Variants in SYNPO2 observed in about 807,000 individuals in gnomAD.
SYNPO2 encodes the protein synaptopodin 2.
SYNPO2 carries 56 observed loss-of-function variants against 85.0 expected under a neutral mutation model. The ratio of observed to expected loss-of-function variants is 0.66; its 90% CI spans 0.53 to 0.82. SYNPO2 has a LOEUF of 0.82. Among genes scored for constraint, SYNPO2 ranks in the 40% least tolerant of loss-of-function variants. The pLI is 0.00. For synonymous variants in SYNPO2, 602 were observed against 591.1 expected, an observed-to-expected ratio of 1.02 and a Z score of -0.27; for missense variants, 1,575 against 1,534.2, an observed-to-expected ratio of 1.03 and a Z score of -0.44.
chr4:119,053,403 C>T (rs1739111244), intron 4 of SYNPO2, among the ~76,000 whole-genome samples: 1 of 152,178 alleles, frequency 6.6e-6, no homozygotes, highest in African/African-American at 2.4e-5. Context: ...CTATTACTAG[C>T]ACTTGAAAGA....
rs1462949249 is a variant in SYNPO2 at position 119,030,587 on chromosome 4, G to A, written c.1812G>A (p.Ser604=). ...GSVNQPATPF[S]PTRNMTSPIA... The stretch of plus-strand genomic sequence containing the variant: ...TGAATCAGCCAGCTACCCCCTTCTC[G>A]CCAACCCGAAACATGACGAGTCCCA... Residue 604 remains serine, a synonymous_variant, in exon 4 of 5, where the codon TCG becomes TCA. Coordinates refer to ENST00000307142, the MANE Select transcript of SYNPO2 (RefSeq NM_133477.3). The A allele has an allele frequency of 3.7e-6, 6 of 1,613,784 alleles. No homozygotes were observed. The highest frequency in any genetic ancestry group is 5.1e-6 in the Non-Finnish European group (6 of 1,179,990).
intron 4 of SYNPO2, chr4:119,037,309 T>A: frequency 7.7e-7 from 1 of 1,292,820 alleles, no homozygotes; most frequent in Non-Finnish European, 9.8e-7. Flanking sequence ...AAAAAATTTT[T>A]AAATCAAAAG....
chr4:118,907,339 A>T (rs984324656), intron 1 of SYNPO2, among the ~76,000 whole-genome samples: 3 of 152,180 alleles, frequency 2.0e-5, no homozygotes, highest in Non-Finnish European at 2.9e-5. Context: ...TTCCCCCACT[A>T]GAAATCCCAA....
intron 1 of SYNPO2, among the ~76,000 whole-genome samples, chr4:118,908,966 T>C (rs1013298100): frequency 1.3e-5 from 2 of 152,160 alleles, no homozygotes; most frequent in Non-Finnish European, 2.9e-5. Context: ...TTTTAAAAGA[T>C]TGGGCCCCCG....
intron 1 of SYNPO2, among the ~76,000 whole-genome samples, chr4:118,897,583 A>G (rs1237094452): frequency 6.6e-6 from 1 of 152,174 alleles, no homozygotes; most frequent in Non-Finnish European, 1.5e-5. Context: ...AGAAAATTTT[A>G]TTTAAGAAAC....
chr4:119,032,918 T>C, intron 4 of SYNPO2: 5 of 957,424 alleles, frequency 5.2e-6, no homozygotes, highest in Non-Finnish European at 6.2e-6. Flanking sequence ...TAATTATCTT[T>C]AAAGGTTGAT....
chr4:119,014,842 A>G lies in SYNPO2; in HGVS notation c.106-8588A>G, dbSNP rs565286577. ...TAAATCCCCCTGGCTCCTGCACCAG[A>G]CAGTTTTTTTGTCAATCAAACCTCT... On this transcript the variant is annotated intron_variant, in intron 1 of 4. Transcript: ENST00000307142. Among the ~76,000 whole-genome samples the G allele has an allele frequency of 3.3e-5, 5 of 152,298 alleles. No individual in the cohort carries two copies. The East Asian group carries it at 9.6e-4, about 29-fold the overall frequency.
intron 1 of SYNPO2, among the ~76,000 whole-genome samples, chr4:118,981,067 G>C (rs1396651320): frequency 6.6e-6 from 1 of 152,194 alleles, no homozygotes; most frequent in East Asian, 1.9e-4. Context: ...TCATTGCGCT[G>C]GTCCAGTTTA....
intron 1 of SYNPO2, among the ~76,000 whole-genome samples, chr4:118,852,714 T>C (rs1406901789): frequency 1.3e-5 from 2 of 152,094 alleles, no homozygotes; most frequent in African/African-American, 2.4e-5. Flanking sequence ...CTGGGGCCTA[T>C]TGGAGGCTGG....
intron 4 of SYNPO2, chr4:119,036,662 A>C: frequency 2.0e-6 from 2 of 985,500 alleles, no homozygotes; most frequent in Non-Finnish European, 2.4e-6. Flanking sequence ...ATGCCAATGA[A>C]ACCCCATCTT....
intron 4 of SYNPO2, among the ~76,000 whole-genome samples, chr4:119,038,976 G>A (rs1738623798): frequency 6.6e-6 from 1 of 151,616 alleles, no homozygotes; most frequent in African/African-American, 2.4e-5. Context: ...TTCTAAACAT[G>A]GGTTTGGAAC....
At chr4:118,906,480 T>A (rs1732941651) in intron 1 of SYNPO2, among the ~76,000 whole-genome samples, 1 of 152,164 alleles carries the variant, frequency 6.6e-6, no homozygotes, top group Admixed American at 6.5e-5. Context: ...AAACAAAAAA[T>A]TTAGAGTTGA....
At chr4:118,869,392 T>C (rs1000056006) in intron 1 of SYNPO2, among the ~76,000 whole-genome samples, 2 of 152,248 alleles carry the variant, frequency 1.3e-5, no homozygotes, top group African/African-American at 4.8e-5. Context: ...ATTGTTTTTT[T>C]GTCACTCTAC....
In SYNPO2 at chr4:118,888,882, GGCGGCTGGGGCA is replaced by G; in HGVS notation, c.-147_-136del. The G allele has an allele frequency of 9.5e-6, 7 of 735,598 alleles. No individual in the cohort carries two copies. The South Asian group carries it at 1.1e-4, about 12-fold the overall frequency. The allele number at this position is 735,598 out of a possible 1,614,324, so 45.6% of individuals were successfully genotyped here. ...CAAATTCGCAGCAGGCGGCTGGGGC[GGCGGCTGGGGCA>G]GCGGCTGCAGCAGCGGCGGACGCTC... On this transcript the variant is annotated 5_prime_UTR_variant, in exon 1 of 5. Transcript: ENST00000307142.
chr4:118,860,882 A>AT (rs1385105973), intron 1 of SYNPO2, among the ~76,000 whole-genome samples: 1 of 151,560 alleles, frequency 6.6e-6, no homozygotes, highest in Admixed American at 6.6e-5. Flanking sequence ...AGATTATTCT[A>AT]TTTTTTTTCC....
chr4:118,940,111 G>T (rs917891459), intron 1 of SYNPO2, among the ~76,000 whole-genome samples: 5 of 151,064 alleles, frequency 3.3e-5, no homozygotes, highest in African/African-American at 1.2e-4. Context: ...TCAACCTCTC[G>T]AGTAGCTGGG....
At chr4:118,911,687 C>G (rs1733141757) in intron 1 of SYNPO2, among the ~76,000 whole-genome samples, 1 of 152,116 alleles carries the variant, frequency 6.6e-6, no homozygotes, top group East Asian at 1.9e-4. Context: ...AAGGTTTTGC[C>G]ATCTCACCAT....
chr4:118,957,037 T>C (rs1035303249), intron 1 of SYNPO2, among the ~76,000 whole-genome samples: 3 of 150,570 alleles, frequency 2.0e-5, no homozygotes, highest in Admixed American at 6.6e-5. Flanking sequence ...ACAGTGAGAC[T>C]CCATCTCAAA....
At chr4:119,008,278 A>G (rs781574014) in intron 1 of SYNPO2, among the ~76,000 whole-genome samples, 14 of 152,200 alleles carry the variant, frequency 9.2e-5, no homozygotes, top group African/African-American at 2.7e-4. Context: ...TGGGAGTCCA[A>G]TTGCCAGTTC....
Sources: allele counts gnomAD v4.1 joint callset (sites outside exome capture counted in the v4.1 genomes callset), GRCh38; gene constraint gnomAD v4.1.1; transcripts MANE v1.5; gene names NCBI Gene and HGNC (gene_info 2026-07-23, HGNC 2026-07-21).